DOCK2: variants seen among roughly 807,000 people sequenced by gnomAD.
DOCK2 encodes dedicator of cytokinesis 2, also known as dedicator of cytokinesis protein 2.
DOCK2 carries 87 observed loss-of-function variants against 248.9 expected under a neutral mutation model. The ratio of observed to expected loss-of-function variants is 0.35; its 90% CI spans 0.29 to 0.42. The LOEUF is 0.42. Ranked by LOEUF, DOCK2 falls within the 10% of genes least tolerant of loss-of-function variation. DOCK2 has a pLI of 1.00. For missense variants in DOCK2, 1,747 were observed against 2,300.2 expected, an observed-to-expected ratio of 0.76 and a Z score of 4.92; for synonymous variants, 805 against 821.6, an observed-to-expected ratio of 0.98 and a Z score of 0.35.
At chr5:169,972,494 A>ATTATT (rs35770870) in intron 27 of DOCK2, among the ~76,000 whole-genome samples, 1 of 10,978 alleles carries the variant, frequency 9.1e-5, no homozygotes, top group African/African-American at 5.1e-3. Flanking sequence ...ATTTCAAGGC[A>ATTATT]ATGCCCTTTG....
intron 27 of DOCK2, among the ~76,000 whole-genome samples, chr5:169,963,272 T>A (rs1372687212): frequency 6.6e-6 from 1 of 152,074 alleles, no homozygotes; most frequent in Non-Finnish European, 1.5e-5. Context: ...TGATGACAGA[T>A]CCCTTATTTT....
At position 170,040,690 on chromosome 5, in the gene DOCK2, G is replaced by GCGACCCAGAGAGGTGCCCAGTTGTTC. The variant is rs1554127833; in HGVS notation, c.3666-365_3666-364insCGACCCAGAGAGGTGCCCAGTTGTTC. Reference sequence around the variant, plus strand: ...TCTCCTTCCTTTATTTCTCTTGCTTGTCATATTGCATTGGCCAGACCATTC... The same window carrying GCGACCCAGAGAGGTGCCCAGTTGTTC: ...TCTCCTTCCTTTATTTCTCTTGCTTGCGACCCAGAGAGGTGCCCAGTTGTTCTCATATTGCATTGGCCAGACCATTC... On this transcript the variant is annotated intron_variant, in intron 36 of 51. Coordinates refer to ENST00000520908, the MANE Select transcript of DOCK2 (RefSeq NM_004946.3). 4.6e-5 allele frequency: 9 copies of GCGACCCAGAGAGGTGCCCAGTTGTTC among 196,478 alleles called. 2 individuals are homozygous for GCGACCCAGAGAGGTGCCCAGTTGTTC. Among genetic ancestry groups the GCGACCCAGAGAGGTGCCCAGTTGTTC allele is most frequent in the African/African-American group, 1.6e-4 (6 of 38,042 alleles). The allele number at this position is 196,478 out of a possible 1,614,324, so 12.2% of individuals were successfully genotyped here.
intron 22 of DOCK2, among the ~76,000 whole-genome samples, chr5:169,726,964 G>C (rs922924645): frequency 1.3e-5 from 2 of 152,040 alleles, no homozygotes; most frequent in African/African-American, 4.8e-5. Flanking sequence ...GGCTACTGGA[G>C]AGGCTGAGGT....
intron 27 of DOCK2, among the ~76,000 whole-genome samples, chr5:169,947,556 C>A (rs1776496716): frequency 1.3e-5 from 2 of 152,198 alleles, no homozygotes; most frequent in Admixed American, 1.3e-4. Flanking sequence ...GGGCATCTGC[C>A]CTGGCATCTG....
intron 27 of DOCK2, among the ~76,000 whole-genome samples, chr5:169,943,606 C>G (rs903624553): frequency 2.6e-5 from 4 of 152,170 alleles, no homozygotes; most frequent in Non-Finnish European, 5.9e-5. Context: ...CCTGGCTTGT[C>G]TATTATATTA....
chr5:169,690,113 G>A (rs1351204050), intron 9 of DOCK2, among the ~76,000 whole-genome samples: 4 of 150,884 alleles, frequency 2.7e-5, no homozygotes. Flanking sequence ...GGGTGCAGTG[G>A]CACCATCTCG....
intron 41 of DOCK2, among the ~76,000 whole-genome samples, chr5:170,052,368 G>C (rs188659545): frequency 1.0e-3 from 159 of 152,268 alleles, no homozygotes; most frequent in Admixed American, 4.8e-3. Flanking sequence ...TCCTGGGATT[G>C]AACAGCTCTG....
intron 25 of DOCK2, among the ~76,000 whole-genome samples, chr5:169,802,018 T>C (rs1767026145): frequency 6.7e-6 from 1 of 149,914 alleles, no homozygotes; most frequent in African/African-American, 2.4e-5. Context: ...GCTTGACACA[T>C]GTTTGGATTT....
At chr5:169,729,654 A>G (rs927003380) in intron 22 of DOCK2, among the ~76,000 whole-genome samples, 4 of 152,182 alleles carry the variant, frequency 2.6e-5, no homozygotes, top group Non-Finnish European at 1.5e-5. Flanking sequence ...CTGCCCTTAT[A>G]TTATACTGGG....
At position 169,996,185 on chromosome 5, in the gene DOCK2, C is replaced by T. The variant is rs757015907; in HGVS notation, c.3072+21C>T. On this transcript the variant is annotated intron_variant, in intron 30 of 51. Transcript: ENST00000520908. ...TCCAGGTGAGTATAAGCCACCAGAG[C>T]TACCCTTGGAGCTGCCCAGGGCGTC... 1.9e-6 allele frequency: 3 copies of T among 1,612,208 alleles called. No individual in the cohort carries two copies. In the Admixed American group the frequency reaches 5.0e-5, roughly 27 times the overall value.
intron 26 of DOCK2, among the ~76,000 whole-genome samples, chr5:169,815,929 C>A (rs1002342361): frequency 5.9e-5 from 9 of 152,172 alleles, no homozygotes; most frequent in Non-Finnish European, 1.2e-4. Context: ...TGCTGGGAAC[C>A]CTTGCATAAA....
rs61629622 is a variant in DOCK2, at chr5:169,692,045, G to A, written c.843+2712G>A. On this transcript the variant is annotated intron_variant, in intron 9 of 51. Coordinates refer to ENST00000520908, the MANE Select transcript of DOCK2 (RefSeq NM_004946.3). ...TAATTTTTTGTATTTTAGTATAGAC[G>A]GGGTTTCACCATGTTGGCCAGGATG... Among the ~76,000 whole-genome samples, 78 of 151,776 alleles carry A rather than the reference G, an allele frequency of 5.1e-4. 1 individual carries two copies. In the East Asian group the frequency reaches 0.012, roughly 24 times the overall value.
intron 27 of DOCK2, among the ~76,000 whole-genome samples, chr5:169,917,404 T>C (rs1774933305): frequency 6.6e-6 from 1 of 152,122 alleles, no homozygotes; most frequent in Non-Finnish European, 1.5e-5. Context: ...GTAGTAAAAA[T>C]AGGGATTCTA....
chr5:170,052,699 T>G (rs530945438), intron 41 of DOCK2, among the ~76,000 whole-genome samples: 1 of 152,354 alleles, frequency 6.6e-6, no homozygotes, highest in Admixed American at 6.5e-5. Flanking sequence ...TACATCATCC[T>G]TTTTAAAAAG....
In DOCK2 at chr5:169,919,852, G is replaced by A. The variant is rs573340292; in HGVS notation, c.2800-63216G>A. Among the ~76,000 whole-genome samples, 75 of 152,300 alleles carry A rather than the reference G, an allele frequency of 4.9e-4. 1 individual carries two copies. In the South Asian group the frequency reaches 0.015, roughly 31 times the overall value. ...AGTTAAATTTGATGATGCTTTAAAG[G>A]TGGAAACTTAGACATTAACCAGCAG... On this transcript the variant is annotated intron_variant, in intron 27 of 51. Coordinates refer to ENST00000520908, the MANE Select transcript of DOCK2 (RefSeq NM_004946.3).
chr5:169,681,838 G>A lies in DOCK2; in HGVS notation c.565G>A (p.Glu189Lys), dbSNP rs2113356057. Residue 189 changes from glutamate (E) to lysine (K), a missense_variant, in exon 7 of 52, where the codon GAA becomes AAA. By Grantham distance (56) the Glu-to-Lys change is moderately conservative (BLOSUM62 1). Transcript: ENST00000520908. ...CATCAGCTTGTTCCATGCACATGAGGAAGCAACTGATAAAATCACAGAGCG... is the reference window on the plus strand; with the variant it reads ...CATCAGCTTGTTCCATGCACATGAGAAAGCAACTGATAAAATCACAGAGCG... The part of the protein sequence containing the change: ...SVISLFHAHE[E>K]ATDKITERIK... The A allele has an allele frequency of 1.9e-6, 3 of 1,613,952 alleles. No homozygotes were observed. The highest frequency in any genetic ancestry group is 2.2e-5 in the East Asian group (1 of 44,868).
chr5:169,871,202 C>T (rs1196539134), intron 27 of DOCK2, among the ~76,000 whole-genome samples: 1 of 152,182 alleles, frequency 6.6e-6, no homozygotes, highest in East Asian at 1.9e-4. Context: ...GGTACACAAA[C>T]ATTCAGTCTA....
At chr5:169,966,983 G>T (rs1236182468) in intron 27 of DOCK2, among the ~76,000 whole-genome samples, 1 of 152,216 alleles carries the variant, frequency 6.6e-6, no homozygotes, top group Non-Finnish European at 1.5e-5. Context: ...GTGTCCCACT[G>T]ATTCTTCCAT....
intron 1 of DOCK2, among the ~76,000 whole-genome samples, chr5:169,642,067 A>G (rs1447526716): frequency 6.6e-6 from 1 of 152,178 alleles, no homozygotes; most frequent in Non-Finnish European, 1.5e-5. Flanking sequence ...GTGGGGACTG[A>G]TTCTTTGAGT....
Sources: gnomAD v4.1 joint callset for allele counts (sites outside exome capture counted in the v4.1 genomes callset) on GRCh38, gnomAD v4.1.1 for gene constraint, MANE v1.5 for transcripts, NCBI Gene and HGNC (gene_info 2026-07-23, HGNC 2026-07-21) for gene names.